Variants in ATP10B observed in about 807,000 individuals in gnomAD.
The protein encoded by ATP10B is ATPase phospholipid transporting 10B (putative).
Under a neutral mutation model 141.2 loss-of-function variants are expected in ATP10B, and 122 were observed. The ratio of observed to expected loss-of-function variants is 0.86; its 90% CI spans 0.75 to 1.00. The LOEUF is 1.00. Ranked by LOEUF, ATP10B falls within the 50% of genes least tolerant of loss-of-function variation. The pLI, the probability that ATP10B is intolerant of heterozygous loss-of-function variation, is 0.00. For missense variants in ATP10B, 1,876 were observed against 1,825.3 expected (o/e 1.03, Z -0.51); for synonymous variants, 685 against 692.0 (o/e 0.99, Z 0.16).
In ATP10B at chr5:160,842,313, T is replaced by G. The variant is rs530256191; in HGVS notation, c.-576+9628A>C. Among the ~76,000 whole-genome samples, 5 of 152,236 alleles carry G rather than the reference T, an allele frequency of 3.3e-5. No homozygotes were observed. The South Asian group carries it at 8.3e-4, about 25-fold the overall frequency. ...AATGAATATACGGCATATCAAAATG[T>G]ATGGGATGCACCTAAAGCTATGATT... On this transcript the variant is annotated intron_variant, in intron 1 of 25. Coordinates refer to ENST00000327245, the MANE Select transcript of ATP10B (RefSeq NM_025153.3).
the ATP10B span, among the ~76,000 whole-genome samples, chr5:160,884,608 C>T: frequency 6.6e-6 from 1 of 151,960 alleles, no homozygotes; most frequent in African/African-American, 2.4e-5. Flanking sequence ...AGGCAGGCGT[C>T]ATTATTTATT....
chr5:160,753,201 G>A (rs1328169159), intron 2 of ATP10B, among the ~76,000 whole-genome samples: 2 of 152,206 alleles, frequency 1.3e-5, no homozygotes. Context: ...GCTTATCTAA[G>A]TTTACAGTGA....
the ATP10B span, among the ~76,000 whole-genome samples, chr5:160,857,987 G>A: frequency 1.3e-5 from 2 of 151,338 alleles, no homozygotes; most frequent in African/African-American, 4.9e-5. Flanking sequence ...TTTTCTTGGG[G>A]GAGAAGTATT....
intron 17 of ATP10B, chr5:160,613,916 GTTTCT>G (rs1757860696): frequency 1.3e-5 from 2 of 152,274 alleles, no homozygotes; most frequent in African/African-American, 4.8e-5. Context: ...ACGGCATTTT[GTTTCT>G]TTTAATAATC....
Position 160,679,610 on chromosome 5 carries a change from G to T in ATP10B, c.470+6469C>A, listed in dbSNP as rs142192049. Among the ~76,000 whole-genome samples, 255 of 152,348 alleles carry T rather than the reference G, an allele frequency of 1.7e-3. 1 individual carries two copies. The highest frequency in any genetic ancestry group is 5.8e-3 in the African/African-American group (242 of 41,576). ...CTTTGCAGGTAGGCTACCGAAGCAC[G>T]TGGGACATTGTAGCTATTTGTAAGT... On this transcript the variant is annotated intron_variant, in intron 6 of 25. Transcript: ENST00000327245.
chr5:160,903,232 G>T, the ATP10B span, among the ~76,000 whole-genome samples: 1 of 152,104 alleles, frequency 6.6e-6, no homozygotes, highest in South Asian at 2.1e-4. Context: ...ACTGGAACCT[G>T]GTCTGCTGAC....
At chr5:160,766,299 C>T (rs933841081) in intron 2 of ATP10B, among the ~76,000 whole-genome samples, 17 of 150,052 alleles carry the variant, frequency 1.1e-4, no homozygotes, top group Non-Finnish European at 2.4e-4. Flanking sequence ...AATACGGAAC[C>T]AGCCTAAATG....
At chr5:160,919,265 G>T in the ATP10B span, among the ~76,000 whole-genome samples, 5 of 145,512 alleles carry the variant, frequency 3.4e-5, no homozygotes, top group South Asian at 2.2e-4. Context: ...GGAAGATCAG[G>T]CAGGAAACCC....
intron 24 of ATP10B, among the ~76,000 whole-genome samples, chr5:160,581,481 A>G (rs1755549663): frequency 6.6e-6 from 1 of 152,186 alleles, no homozygotes; most frequent in Non-Finnish European, 1.5e-5. Flanking sequence ...CTTAATGCCG[A>G]GTTCTAATTT....
intron 12 of ATP10B, chr5:160,632,620 G>GTTTTTTTTTTTTTT (rs34556097): frequency 7.8e-6 from 1 of 127,720 alleles, no homozygotes. Flanking sequence ...TTCCTCAGAG[G>GTTTTTTTTTTTTTT]TTTTTTTTTT....
intron 22 of ATP10B, among the ~76,000 whole-genome samples, chr5:160,597,600 G>A (rs965120025): frequency 4.6e-5 from 7 of 152,022 alleles, no homozygotes; most frequent in Admixed American, 2.0e-4. Context: ...CCATCAGAGT[G>A]AACAGGCAAC....
intron 1 of ATP10B, among the ~76,000 whole-genome samples, chr5:160,800,428 A>G (rs1772297945): frequency 6.6e-6 from 1 of 152,270 alleles, no homozygotes; most frequent in South Asian, 2.1e-4. Flanking sequence ...AAGTGCAAAG[A>G]GTTTACAAAT....
chr5:160,835,887 ATAAAATTTG>A (rs1367384601), intron 1 of ATP10B, among the ~76,000 whole-genome samples: 1 of 152,156 alleles, frequency 6.6e-6, no homozygotes, highest in Non-Finnish European at 1.5e-5. Flanking sequence ...TGTTTATTTA[ATAAAATTTG>A]TAATCTTTTA....
At chr5:160,606,171 G>T (rs1343474546) in intron 19 of ATP10B, among the ~76,000 whole-genome samples, 1 of 152,168 alleles carries the variant, frequency 6.6e-6, no homozygotes, top group Non-Finnish European at 1.5e-5. Context: ...TTCCTGAAAG[G>T]TGTTAAGTAA....
chr5:160,718,997 T>G lies in ATP10B; in HGVS notation c.-330-1963A>C, dbSNP rs1204440819. On this transcript the variant is annotated intron_variant, in intron 2 of 25. Coordinates refer to ENST00000327245, the MANE Select transcript of ATP10B (RefSeq NM_025153.3). ...TGAATAAACAAAGGAATAAGTAAAC[T>G]CAACAGGATTGAAGTTCGTCAGAGT... is the stretch of plus-strand genomic sequence containing the variant. 3.9e-5 allele frequency among the ~76,000 whole-genome samples: 6 copies of G among 152,206 alleles called. No individual in the cohort carries two copies. In the East Asian group the frequency reaches 1.2e-3, roughly 29 times the overall value.
At chr5:160,715,083 G>T (rs59627943) in intron 3 of ATP10B, among the ~76,000 whole-genome samples, 1 of 145,560 alleles carries the variant, frequency 6.9e-6, no homozygotes. Flanking sequence ...TCTGTGCCCT[G>T]CCCCCAGAGG....
the ATP10B span, among the ~76,000 whole-genome samples, chr5:160,909,836 T>C: frequency 2.0e-5 from 3 of 152,142 alleles, no homozygotes; most frequent in Non-Finnish European, 2.9e-5. Context: ...CAATGTTAGT[T>C]TCCATCTCCA....
At chr5:160,692,565 A>G (rs1764132932) in intron 3 of ATP10B, 1 of 152,192 alleles carries the variant, frequency 6.6e-6, no homozygotes, top group African/African-American at 2.4e-5. Context: ...GGTTTTGTTT[A>G]AGATTGAGTT....
At chr5:160,578,594 G>T (rs1755345488) in intron 24 of ATP10B, among the ~76,000 whole-genome samples, 1 of 152,030 alleles carries the variant, frequency 6.6e-6, no homozygotes, top group African/African-American at 2.4e-5. Context: ...GTCTATCATT[G>T]GTGGGCATTT....
Sources: allele counts gnomAD v4.1 joint callset (sites outside exome capture counted in the v4.1 genomes callset), GRCh38; gene constraint gnomAD v4.1.1; transcripts MANE v1.5; gene names NCBI Gene and HGNC (gene_info 2026-07-23, HGNC 2026-07-21).